The following DENND1A variants were observed in gnomAD, a reference collection of about 807,000 sequenced individuals.
DENND1A encodes the protein DENN domain containing 1A.
DENND1A carries 51 observed loss-of-function variants against 113.7 expected under a neutral mutation model. The observed-to-expected ratio is 0.45, with a 90% CI of 0.36 to 0.57. The LOEUF (loss-of-function observed/expected upper bound fraction) is 0.57, where lower values mean the gene tolerates loss of function less well. DENND1A is among the 20% of genes least tolerant of loss of function. The pLI is 0.00. For missense variants in DENND1A, 1,258 were observed against 1,395.9 expected (o/e 0.90, Z 1.57); for synonymous variants, 565 against 570.8 (o/e 0.99, Z 0.14).
At chr9:123,796,511 T>G (rs1048715850) in intron 2 of DENND1A, among the ~76,000 whole-genome samples, 1 of 152,162 alleles carries the variant, frequency 6.6e-6, no homozygotes, top group Non-Finnish European at 1.5e-5. Flanking sequence ...CTTTTAAATC[T>G]TTAAGATATA....
chr9:123,652,150 G>A, intron 8 of DENND1A, 27 bp from the exon 9 acceptor site: 1 of 1,587,546 alleles, frequency 6.3e-7, no homozygotes, highest in Non-Finnish European at 8.6e-7. Context: ...GGCACGGTTT[G>A]TGGCTGATTT....
Position 123,534,832 on chromosome 9 carries a change from C to T in DENND1A, c.993+22738G>A, listed in dbSNP as rs192090915. On this transcript the variant is annotated intron_variant, in intron 13 of 23. Coordinates refer to ENST00000394215, the MANE Select transcript of DENND1A (RefSeq NM_001352964.2). ...TTCATTGATTTATAGAAATACTTTA[C>T]ATGATCTTGGACGCCAAGCCTTTTT... Among the ~76,000 whole-genome samples, 663 of 152,334 alleles carry T rather than the reference C, an allele frequency of 4.4e-3. 3 individuals are homozygous for T. Among genetic ancestry groups the T allele is most frequent in the African/African-American group, 0.015 (643 of 41,564 alleles).
intron 2 of DENND1A, among the ~76,000 whole-genome samples, chr9:123,867,189 AATGTGT>A (rs976561786): frequency 1.3e-5 from 2 of 152,188 alleles, no homozygotes; most frequent in African/African-American, 2.4e-5. Flanking sequence ...GGAAATGCAA[AATGTGT>A]TGTGAAATAA....
At chr9:123,623,172 G>A (rs1380039656) in intron 10 of DENND1A, among the ~76,000 whole-genome samples, 2 of 152,000 alleles carry the variant, frequency 1.3e-5, no homozygotes, top group African/African-American at 4.8e-5. Context: ...ACAATCTGAG[G>A]GATAAAAAGA....
At chr9:123,877,046 G>A (rs1399315320) in intron 2 of DENND1A, among the ~76,000 whole-genome samples, 1 of 152,168 alleles carries the variant, frequency 6.6e-6, no homozygotes, top group Non-Finnish European at 1.5e-5. Flanking sequence ...AGACTCAGAA[G>A]GGTGGGAGGG....
chr9:123,531,216 A>G (rs2055270435), intron 13 of DENND1A, among the ~76,000 whole-genome samples: 1 of 152,104 alleles, frequency 6.6e-6, no homozygotes, highest in African/African-American at 2.4e-5. Context: ...TATTTTACAA[A>G]CAGCTTGCAT....
At chr9:123,637,444 TTTTTG>T (rs552313921) in intron 9 of DENND1A, among the ~76,000 whole-genome samples, 356 of 151,450 alleles carry the variant, frequency 2.4e-3, no homozygotes, top group African/African-American at 8.2e-3. Context: ...ACTGCTGTGG[TTTTTG>T]TTTTGATTAT....
chr9:123,869,848 T>G (rs2133398066), intron 2 of DENND1A, among the ~76,000 whole-genome samples: 2 of 151,596 alleles, frequency 1.3e-5, no homozygotes, highest in East Asian at 3.9e-4. Flanking sequence ...AAAAATTAGC[T>G]GAGTGTGGTG....
chr9:123,395,135 G>C (rs1385956791), intron 21 of DENND1A, among the ~76,000 whole-genome samples: 1 of 152,194 alleles, frequency 6.6e-6, no homozygotes, highest in Non-Finnish European at 1.5e-5. Context: ...AGAGGGCTAG[G>C]TGGGAAGGCA....
intron 1 of DENND1A, among the ~76,000 whole-genome samples, chr9:123,919,371 T>A (rs566371057): frequency 2.0e-5 from 3 of 147,070 alleles, no homozygotes; most frequent in South Asian, 4.3e-4. Context: ...ACTGGGGAGG[T>A]TGAGGCAGGA....
intron 12 of DENND1A, among the ~76,000 whole-genome samples, chr9:123,576,854 T>C (rs2058665570): frequency 6.6e-6 from 1 of 152,232 alleles, no homozygotes; most frequent in African/African-American, 2.4e-5. Context: ...TTAAATGGTC[T>C]CTGGCAATAA....
intron 12 of DENND1A, among the ~76,000 whole-genome samples, chr9:123,573,533 C>G (rs2058469969): frequency 6.6e-6 from 1 of 151,736 alleles, no homozygotes; most frequent in Non-Finnish European, 1.5e-5. Context: ...TAAATTTATT[C>G]CTAAGTATTT....
intron 23 of DENND1A, among the ~76,000 whole-genome samples, chr9:123,383,439 T>C (rs1394180886): frequency 2.0e-5 from 3 of 152,120 alleles, no homozygotes; most frequent in Non-Finnish European, 4.4e-5. Context: ...CAAGTTTCCA[T>C]CGGGCTCTAG....
intron 13 of DENND1A, among the ~76,000 whole-genome samples, chr9:123,513,899 C>T (rs987016024): frequency 6.6e-6 from 1 of 152,172 alleles, no homozygotes; most frequent in African/African-American, 2.4e-5. Context: ...AGCTTTCTCC[C>T]CTCCTAACTG....
intron 2 of DENND1A, among the ~76,000 whole-genome samples, chr9:123,821,992 T>C (rs767751255): frequency 6.6e-6 from 1 of 152,214 alleles, no homozygotes; most frequent in Non-Finnish European, 1.5e-5. Flanking sequence ...GTAACACAAA[T>C]GTTTACCAAC....
chr9:123,721,526 T>C (rs1378960549), intron 5 of DENND1A, among the ~76,000 whole-genome samples: 1 of 152,260 alleles, frequency 6.6e-6, no homozygotes, highest in African/African-American at 2.4e-5. Flanking sequence ...CCTCATGATA[T>C]GGTTTGGCTG....
At chr9:123,544,915 G>A (rs532305615) in intron 13 of DENND1A, among the ~76,000 whole-genome samples, 266 of 151,960 alleles carry the variant, frequency 1.8e-3, no homozygotes, top group African/African-American at 6.1e-3. Flanking sequence ...TGGCTAACAC[G>A]GTGAAACCCC....
chr9:123,519,999 A>C (rs530933541), intron 13 of DENND1A, among the ~76,000 whole-genome samples: 10 of 152,154 alleles, frequency 6.6e-5, no homozygotes, highest in African/African-American at 2.4e-4. Flanking sequence ...GTTTCTACAA[A>C]AAATTAAAAA....
At chr9:123,644,434 TTC>T (rs1429465260) in intron 9 of DENND1A, among the ~76,000 whole-genome samples, 1,857 of 151,734 alleles carry the variant, frequency 0.012, 20 homozygotes, top group South Asian at 0.028. Context: ...GGTCTTATTT[TTC>T]ACCCAAACCA....
Sources: gnomAD v4.1 joint callset for allele counts (sites outside exome capture counted in the v4.1 genomes callset) on GRCh38, gnomAD v4.1.1 for gene constraint, MANE v1.5 for transcripts, NCBI Gene and HGNC (gene_info 2026-07-23, HGNC 2026-07-21) for gene names.